ASAP1: variants seen among roughly 807,000 people sequenced by gnomAD.
The protein encoded by ASAP1 is ArfGAP with SH3 domain, ankyrin repeat and PH domain 1.
Under a neutral mutation model 145.2 loss-of-function variants are expected in ASAP1, and 43 were observed. That is an observed-to-expected ratio of 0.30 (90% CI 0.23 to 0.38). ASAP1 has a LOEUF of 0.38. Ranked by LOEUF, ASAP1 falls within the 10% of genes least tolerant of loss-of-function variation. ASAP1 has a pLI of 1.00. For synonymous variants in ASAP1, 546 were observed against 515.5 expected, an observed-to-expected ratio of 1.06 and a Z score of -0.80; for missense variants, 1,018 against 1,355.3, an observed-to-expected ratio of 0.75 and a Z score of 3.91.
At chr8:130,347,851 C>T (rs948816485) in intron 3 of ASAP1, among the ~76,000 whole-genome samples, 14 of 152,196 alleles carry the variant, frequency 9.2e-5, no homozygotes, top group Admixed American at 7.9e-4. Context: ...TCATTCTTGC[C>T]CCTCATGTTC....
chr8:130,118,422 A>C (rs1481151809), intron 19 of ASAP1, 67 bp downstream of exon 19: 37 of 1,509,796 alleles, frequency 2.5e-5, no homozygotes, highest in Non-Finnish European at 3.3e-5. Flanking sequence ...TATAATGTTA[A>C]AATAAGTCAC....
chr8:130,060,846 G>C lies in ASAP1; in HGVS notation c.2925C>G (p.Pro975=), dbSNP rs1387593955. The C allele has an allele frequency of 6.2e-7, 1 of 1,613,996 alleles. No individual in the cohort carries two copies. ...KPQLGDLPPK[P]QLSDLPPKPQ... Reference sequence around the variant, plus strand: ...GTTTGGGAGGTAAGTCTGAGAGTTGGGGTTTGGGTGGCAGGTCCCCCAGCT... The same window carrying C: ...GTTTGGGAGGTAAGTCTGAGAGTTGCGGTTTGGGTGGCAGGTCCCCCAGCT... The change falls in exon 28 of 30, where the codon CCC becomes CCG. Residue 975 remains proline (P), a synonymous_variant. Transcript: ENST00000518721.
At chr8:130,385,044 G>A (rs368630927) in intron 2 of ASAP1, among the ~76,000 whole-genome samples, 70 of 152,330 alleles carry the variant, frequency 4.6e-4, no homozygotes, top group African/African-American at 1.5e-3. Context: ...AACAGGATGA[G>A]CTTGAACAAG....
At chr8:130,094,212 TAAAA>T (rs540267683) in intron 24 of ASAP1, among the ~76,000 whole-genome samples, 1 of 152,084 alleles carries the variant, frequency 6.6e-6, no homozygotes, top group African/African-American at 2.4e-5. Context: ...GGTTTATCGT[TAAAA>T]AAAATTTTTT....
At chr8:130,300,792 G>T (rs1268958041) in intron 3 of ASAP1, among the ~76,000 whole-genome samples, 2 of 152,206 alleles carry the variant, frequency 1.3e-5, no homozygotes, top group African/African-American at 4.8e-5. Context: ...CACTGGGCTG[G>T]CTTCCTTTGG....
intron 3 of ASAP1, among the ~76,000 whole-genome samples, chr8:130,337,013 A>G (rs2137864059): frequency 6.6e-6 from 1 of 152,328 alleles, no homozygotes; most frequent in East Asian, 1.9e-4. Flanking sequence ...GACTTCCCAC[A>G]GGGAACCCCA....
chr8:130,242,616 A>G (rs1468047846), intron 3 of ASAP1, among the ~76,000 whole-genome samples: 1 of 152,100 alleles, frequency 6.6e-6, no homozygotes, highest in Non-Finnish European at 1.5e-5. Flanking sequence ...AAAGTGACAT[A>G]AGTTCTCATG....
At chr8:130,384,145 A>G (rs1827904631) in intron 2 of ASAP1, among the ~76,000 whole-genome samples, 1 of 152,152 alleles carries the variant, frequency 6.6e-6, no homozygotes, top group South Asian at 2.1e-4. Flanking sequence ...CTTTATAACC[A>G]AAGGAGATTA....
intron 27 of ASAP1, among the ~76,000 whole-genome samples, chr8:130,067,422 GTCTC>G (rs1358084681): frequency 6.6e-6 from 1 of 152,124 alleles, no homozygotes; most frequent in Non-Finnish European, 1.5e-5. Flanking sequence ...GATTGACAGG[GTCTC>G]ACTCTGTCAC....
At chr8:130,099,700 T>TG (rs1554822555) in intron 24 of ASAP1, among the ~76,000 whole-genome samples, 42 of 125,144 alleles carry the variant, frequency 3.4e-4, no homozygotes, top group East Asian at 1.5e-3. Context: ...TTTTTTTTTT[T>TG]GAGACAGAGT....
At chr8:130,363,432 G>A (rs1049460786) in intron 2 of ASAP1, among the ~76,000 whole-genome samples, 2 of 152,038 alleles carry the variant, frequency 1.3e-5, no homozygotes, top group Non-Finnish European at 2.9e-5. Context: ...GACCTGCTAC[G>A]TACCAGACAC....
Position 130,104,094 on chromosome 8 carries a change from T to A in ASAP1, c.2401+8000A>T, listed in dbSNP as rs73712873. On this transcript the variant is annotated intron_variant, in intron 24 of 29. Coordinates refer to ENST00000518721, the MANE Select transcript of ASAP1 (RefSeq NM_018482.4). ...CATCCATAGGGCATGATCTGTACTG[T>A]CTCCACAGCTCTCCTGCCAGGGCCC... Among the ~76,000 whole-genome samples, 778 of 152,280 alleles carry A rather than the reference T, an allele frequency of 5.1e-3. 10 individuals are homozygous for A. The highest frequency in any genetic ancestry group is 0.018 in the African/African-American group (753 of 41,550).
intron 7 of ASAP1, among the ~76,000 whole-genome samples, chr8:130,182,406 C>G (rs1034036069): frequency 6.6e-6 from 1 of 152,182 alleles, no homozygotes; most frequent in Non-Finnish European, 1.5e-5. Context: ...TTCTCTGTCT[C>G]CCTCACTTAC....
intron 27 of ASAP1, among the ~76,000 whole-genome samples, chr8:130,074,256 G>C (rs759785292): frequency 1.2e-4 from 19 of 152,106 alleles, no homozygotes; most frequent in Non-Finnish European, 2.4e-4. Flanking sequence ...AATTGGCTGG[G>C]ATTCGCTACA....
In ASAP1 at chr8:130,112,396, C is replaced by G. The variant is rs907996168; in HGVS notation, c.2173-74G>C. The stretch of plus-strand genomic sequence containing the variant: ...ATGTGTACAGAGGGCCTCCGCAGGG[C>G]GGGCTCAGGTGGGAATCTGGGTTCC... On this transcript the variant is annotated intron_variant, in intron 23 of 29. Transcript: ENST00000518721. 2.2e-6 allele frequency: 3 copies of G among 1,353,708 alleles called. No individual in the cohort carries two copies. The Admixed American group carries it at 6.8e-5, about 31-fold the overall frequency. The allele number at this position is 1,353,708 out of a possible 1,614,324, so 83.9% of individuals were successfully genotyped here. A position where few individuals can be genotyped will look rare whatever the true frequency, so the allele number is the denominator to read the frequency against.
intron 3 of ASAP1, among the ~76,000 whole-genome samples, chr8:130,252,244 A>G (rs571251100): frequency 1.3e-5 from 2 of 152,094 alleles, no homozygotes; most frequent in African/African-American, 4.8e-5. Flanking sequence ...ATAAAATATC[A>G]TAATTTAGAA....
intron 3 of ASAP1, among the ~76,000 whole-genome samples, chr8:130,267,128 AAAAAAC>A: frequency 6.6e-6 from 1 of 150,884 alleles, no homozygotes; most frequent in Non-Finnish European, 1.5e-5. Context: ...ACAAACAAAA[AAAAAAC>A]AAAACAAAAA....
intron 27 of ASAP1, among the ~76,000 whole-genome samples, chr8:130,071,011 G>GGAGAGAGAGAGAGAGAGAGA (rs1230151527): frequency 8.7e-5 from 1 of 11,438 alleles, no homozygotes. Flanking sequence ...GGGGAGGGGG[G>GGAGAGAGAGAGAGAGAGAGA]GAGAGAGAGA....
chr8:130,070,840 GGAGAGAGGGAGAGAGAGGGAGAGAGGGA>G (rs1239017797), intron 27 of ASAP1, among the ~76,000 whole-genome samples: 5,519 of 17,654 alleles, frequency 0.31, 1,033 homozygotes, highest in Middle Eastern at 0.61. Flanking sequence ...GGAGAGAGAG[GGAGAGAGGGAGAGAGAGGGAGAGAGGGA>G]GAGAGAGGGA....
Sources: allele counts gnomAD v4.1 joint callset (sites outside exome capture counted in the v4.1 genomes callset), GRCh38; gene constraint gnomAD v4.1.1; transcripts MANE v1.5; gene names NCBI Gene and HGNC (gene_info 2026-07-23, HGNC 2026-07-21).